DMXL2: variants seen among roughly 807,000 people sequenced by gnomAD.
DMXL2 encodes Dmx like 2, also known as dmX-like protein 2.
Under a neutral mutation model 331.1 loss-of-function variants are expected in DMXL2, and 103 were observed. The observed-to-expected ratio is 0.31, with a 90% CI of 0.27 to 0.37. DMXL2 has a LOEUF of 0.37. Among genes scored for constraint, DMXL2 ranks in the 10% least tolerant of loss-of-function variants. The probability of loss-of-function intolerance (pLI) is 1.00; values close to 1 mark genes in which losing one functional copy is unlikely to be tolerated. For synonymous variants in DMXL2, 1,281 were observed against 1,252.1 expected, an observed-to-expected ratio of 1.02 and a Z score of -0.49; for missense variants, 3,171 against 3,642.9, an observed-to-expected ratio of 0.87 and a Z score of 3.33.
At position 51,457,414 on chromosome 15, in the gene DMXL2, C is replaced by A; in HGVS notation, c.8251G>T (p.Ala2751Ser). 6.2e-7 allele frequency: 1 copy of A among 1,614,176 alleles called. No individual in the cohort carries two copies. Among genetic ancestry groups the A allele is most frequent in the Non-Finnish European group, 8.5e-7 (1 of 1,180,012 alleles). Residue 2751 changes from alanine to serine, a missense_variant, in exon 37 of 44, where the codon GCA becomes TCA. Around this residue, in one of 7 missense-constraint regions of DMXL2, gnomAD observed 766 missense variants for 940.5 expected, o/e 0.81. Coordinates refer to ENST00000560891, the MANE Select transcript of DMXL2 (RefSeq NM_001378457.1). ...ACCTGACTTGCTGAATAGGATGTTG[C>A]ACTGGGTTGATAAAGAGTTGTAGTG... The part of the protein sequence containing the change: ...GSTTTLYQPS[A>S]TSYSASQVHP...
chr15:51,500,719 T>C (rs546344648), intron 17 of DMXL2, among the ~76,000 whole-genome samples: 1 of 152,318 alleles, frequency 6.6e-6, no homozygotes, highest in Non-Finnish European at 1.5e-5. Context: ...CAAATTTTGT[T>C]TCAGACCGCA....
chr15:51,546,695 A>C (rs1043418155), intron 7 of DMXL2, among the ~76,000 whole-genome samples: 1 of 152,124 alleles, frequency 6.6e-6, no homozygotes, highest in Non-Finnish European at 1.5e-5. Flanking sequence ...GTATAATAAA[A>C]AATCCTTTGA....
chr15:51,620,655 A>G (rs1356822683), intron 1 of DMXL2, among the ~76,000 whole-genome samples: 2 of 152,206 alleles, frequency 1.3e-5, no homozygotes, highest in Non-Finnish European at 1.5e-5. Context: ...CAGTTTTGAA[A>G]GCTTTTATAT....
intron 13 of DMXL2, among the ~76,000 whole-genome samples, chr15:51,524,374 C>G (rs116921881): frequency 1.3e-5 from 2 of 152,286 alleles, no homozygotes; most frequent in South Asian, 2.1e-4. Context: ...AGGGCTCCCC[C>G]AATCGTCCCC....
At chr15:51,516,140 T>G (rs1480888562) in intron 14 of DMXL2, among the ~76,000 whole-genome samples, 1 of 152,190 alleles carries the variant, frequency 6.6e-6, no homozygotes, top group Non-Finnish European at 1.5e-5. Flanking sequence ...CTTTCTTCAT[T>G]TCCTTGTTTA....
intron 15 of DMXL2, among the ~76,000 whole-genome samples, chr15:51,510,185 T>C (rs935468911): frequency 3.3e-5 from 5 of 152,142 alleles, no homozygotes; most frequent in African/African-American, 1.2e-4. Flanking sequence ...CTATTCAACA[T>C]GGTACTGAAA....
chr15:51,532,194 G>A (rs1490401857), intron 13 of DMXL2, among the ~76,000 whole-genome samples: 1 of 151,558 alleles, frequency 6.6e-6, no homozygotes, highest in South Asian at 2.1e-4. Flanking sequence ...GTACTACTTG[G>A]CCAAAAAAAA....
At chr15:51,454,707 G>C (rs2039465878) in intron 40 of DMXL2, among the ~76,000 whole-genome samples, 1 of 152,148 alleles carries the variant, frequency 6.6e-6, no homozygotes, top group Admixed American at 6.5e-5. Context: ...AGGTTGGTCA[G>C]GCTGGTCTCG....
chr15:51,513,760 T>C (rs917792112), intron 15 of DMXL2, among the ~76,000 whole-genome samples: 3 of 152,168 alleles, frequency 2.0e-5, no homozygotes, highest in African/African-American at 7.2e-5. Context: ...CTTAAAGACA[T>C]GGCTTTTCAA....
intron 28 of DMXL2, among the ~76,000 whole-genome samples, chr15:51,472,871 G>A (rs1423925382): frequency 2.0e-5 from 3 of 152,112 alleles, no homozygotes; most frequent in Admixed American, 1.3e-4. Flanking sequence ...AAAGCAGCTA[G>A]AGCGGTTCTG....
At chr15:51,558,823 T>C (rs1394214763) in intron 6 of DMXL2, among the ~76,000 whole-genome samples, 1 of 152,232 alleles carries the variant, frequency 6.6e-6, no homozygotes, top group Non-Finnish European at 1.5e-5. Flanking sequence ...CAATTAAAAC[T>C]GCCCATATTT....
At chr15:51,593,531 C>A (rs2141257988) in intron 1 of DMXL2, among the ~76,000 whole-genome samples, 1 of 152,252 alleles carries the variant, frequency 6.6e-6, no homozygotes, top group South Asian at 2.1e-4. Flanking sequence ...ACAAGGATAT[C>A]CAGGAATTCA....
At chr15:51,562,166 C>T (rs137946808) in intron 6 of DMXL2, among the ~76,000 whole-genome samples, 1 of 152,106 alleles carries the variant, frequency 6.6e-6, no homozygotes, top group African/African-American at 2.4e-5. Context: ...GATGGATATC[C>T]TAAATACTCT....
chr15:51,552,077 C>T (rs2049256110), intron 6 of DMXL2, among the ~76,000 whole-genome samples: 2 of 152,040 alleles, frequency 1.3e-5, no homozygotes, highest in African/African-American at 4.8e-5. Context: ...CATAAAAAGA[C>T]GTGGAAGCAG....
intron 1 of DMXL2, among the ~76,000 whole-genome samples, chr15:51,615,086 G>C (rs544438378): frequency 4.7e-4 from 71 of 152,278 alleles, no homozygotes; most frequent in African/African-American, 1.7e-3. Context: ...GAAGAGAAAA[G>C]GTAGATTACA....
Position 51,563,459 on chromosome 15 carries a change from A to C in DMXL2, c.501-12T>G, listed in dbSNP as rs765979300. ...CAGATACTGAGGTTCTAAAAAAGAG[A>C]GAGTTAGGCAATTAGCCCTTTTAAA... On this transcript the variant is annotated splice_polypyrimidine_tract_variant and intron_variant, in intron 5 of 43. Transcript: ENST00000560891. 18 of 1,591,000 alleles carry C rather than the reference A, an allele frequency of 1.1e-5. No homozygotes were observed. Among genetic ancestry groups the C allele is most frequent in the Non-Finnish European group, 2.6e-6 (3 of 1,168,138 alleles).
chr15:51,608,614 G>A (rs1286949614), intron 1 of DMXL2, among the ~76,000 whole-genome samples: 1 of 152,196 alleles, frequency 6.6e-6, no homozygotes, highest in Non-Finnish European at 1.5e-5. Context: ...AAGGAAGGAA[G>A]AGGGAGAGGA....
intron 13 of DMXL2, among the ~76,000 whole-genome samples, chr15:51,521,464 GGTAGTGGTAGTA>G (rs2047374686): frequency 2.0e-5 from 1 of 51,276 alleles, no homozygotes; most frequent in Non-Finnish European, 5.4e-5. Context: ...TAGTAGTAGT[GGTAGTGGTAGTA>G]GTAGTAGTAG....
At chr15:51,465,135 C>A (rs1424000630) in intron 31 of DMXL2, among the ~76,000 whole-genome samples, 1 of 152,196 alleles carries the variant, frequency 6.6e-6, no homozygotes, top group African/African-American at 2.4e-5. Flanking sequence ...GTGGCTCACA[C>A]TTGTAATCTC....
Sources: gnomAD v4.1 joint callset for allele counts (sites outside exome capture counted in the v4.1 genomes callset) on GRCh38, gnomAD v4.1.1 for gene constraint, gnomAD v4.1.1 regional missense constraint, MANE v1.5 for transcripts, NCBI Gene and HGNC (gene_info 2026-07-23, HGNC 2026-07-21) for gene names.